The following BTD variants were observed in gnomAD, a reference collection of about 807,000 sequenced individuals.
BTD encodes biocytinase.
BTD carries 13 observed loss-of-function variants against 17.7 expected under a neutral mutation model. That is an observed-to-expected ratio of 0.74 (90% confidence interval 0.48 to 1.17). BTD has a LOEUF of 1.17. BTD is among the 50% of genes most tolerant of loss of function. BTD has a pLI of 0.00. For synonymous variants in BTD, 240 were observed against 245.2 expected, an observed-to-expected ratio of 0.98 and a Z score of 0.20; for missense variants, 674 against 650.4, an observed-to-expected ratio of 1.04 and a Z score of -0.39.
Position 15,635,783 on chromosome 3 carries a change from A to G in BTD, c.249+95A>G. 6.4e-7 allele frequency: 1 copy of G among 1,571,674 alleles called. No homozygotes were observed. Among genetic ancestry groups the G allele is most frequent in the Non-Finnish European group, 8.7e-7 (1 of 1,148,000 alleles). On this transcript the variant is annotated intron_variant, in intron 2 of 3. Coordinates refer to ENST00000643237, the MANE Select transcript of BTD (RefSeq NM_001370658.1). The surrounding 1 kb of genome is among the most constrained non-coding windows in gnomAD (Gnocchi z 4.1). The stretch of plus-strand genomic sequence containing the variant: ...GTTGGGTAATCCCAGGCTTCCTACC[A>G]CCCTCTGAAAAAGCATCCAGGTAGT...
At chr3:15,682,955 T>A (rs1350197530) in intron 3 of BTD, among the ~76,000 whole-genome samples, 1 of 152,216 alleles carries the variant, frequency 6.6e-6, no homozygotes, top group East Asian at 1.9e-4. Context: ...CAACCAGGCA[T>A]GCAGTTCTTG....
At chr3:15,604,298 G>T (rs1380942464) in intron 1 of BTD, among the ~76,000 whole-genome samples, 1 of 152,240 alleles carries the variant, frequency 6.6e-6, no homozygotes, top group Non-Finnish European at 1.5e-5. Context: ...TCAACACCAT[G>T]TGGAAGCTGC....
intron 3 of BTD, among the ~76,000 whole-genome samples, chr3:15,702,298 A>G (rs1194083865): frequency 6.6e-6 from 1 of 152,210 alleles, no homozygotes; most frequent in African/African-American, 2.4e-5. Context: ...GGTGCTTATA[A>G]AATACTGAAT....
intron 3 of BTD, among the ~76,000 whole-genome samples, chr3:15,661,811 T>C (rs1195098077): frequency 6.6e-6 from 1 of 152,254 alleles, no homozygotes; most frequent in Non-Finnish European, 1.5e-5. Context: ...GGGAAGGATG[T>C]AAGATCTGTG....
At chr3:15,668,041 GGACA>G (rs956358597) in intron 3 of BTD, 1 of 152,224 alleles carries the variant, frequency 6.6e-6, no homozygotes, top group African/African-American at 2.4e-5. Flanking sequence ...TTCTCTTGGA[GGACA>G]GACCCAGGCC....
At chr3:15,612,452 A>G (rs2064664668) in intron 1 of BTD, among the ~76,000 whole-genome samples, 1 of 152,100 alleles carries the variant, frequency 6.6e-6, no homozygotes, top group African/African-American at 2.4e-5. Context: ...CATTGATGTT[A>G]TTGTAGTAAA....
downstream of BTD, among the ~76,000 whole-genome samples, chr3:15,656,026 C>T (rs1390812199): frequency 6.6e-6 from 1 of 152,164 alleles, no homozygotes; most frequent in African/African-American, 2.4e-5. Flanking sequence ...TGGTCTCAAA[C>T]TCCTGACCTC....
intron 3 of BTD, among the ~76,000 whole-genome samples, chr3:15,698,935 C>G (rs577644431): frequency 7.7e-4 from 117 of 152,298 alleles, no homozygotes; most frequent in Middle Eastern, 3.4e-3. Context: ...ATTGCCAAGA[C>G]AATCCTAAGC....
chr3:15,625,252 A>G (rs2065038134), intron 1 of BTD, among the ~76,000 whole-genome samples: 1 of 151,682 alleles, frequency 6.6e-6, no homozygotes, highest in South Asian at 2.1e-4. Flanking sequence ...TCAGCCCCCA[A>G]CCCCACTCAG....
At chr3:15,643,924 A>G (rs1292652900) in intron 3 of BTD, among the ~76,000 whole-genome samples, 3 of 150,044 alleles carry the variant, frequency 2.0e-5, no homozygotes, top group South Asian at 2.1e-4. Context: ...AAGAAAAAAA[A>G]AAGAAGAGGA....
At position 15,635,754 on chromosome 3, in the gene BTD, A is replaced by T. The variant is rs1430668851; in HGVS notation, c.249+66A>T. 3 of 1,608,798 alleles carry T rather than the reference A, an allele frequency of 1.9e-6. No homozygotes were observed. In the Admixed American group the frequency reaches 5.0e-5, roughly 27 times the overall value. ...GCAGATTGCTCTTTACCCCTTGATC[A>T]GTGGTTGGGTAATCCCAGGCTTCCT... is the stretch of plus-strand genomic sequence containing the variant. On this transcript the variant is annotated intron_variant, in intron 2 of 3. Transcript: ENST00000643237. This position sits in a 1 kb window ranked among gnomAD's most constrained non-coding sequence, Gnocchi z 4.1.
chr3:15,722,378 T>C (rs1354059531), downstream of BTD, among the ~76,000 whole-genome samples: 4 of 152,234 alleles, frequency 2.6e-5, no homozygotes, highest in Non-Finnish European at 4.4e-5. Flanking sequence ...AGAACAGTAA[T>C]GTGTCCTGAC....
rs753086171 is a variant in BTD at position 15,648,915 on chromosome 3, A to G, written c.*3427A>G. 2.0e-5 allele frequency among the ~76,000 whole-genome samples: 3 copies of G among 152,246 alleles called. No homozygotes were observed. The East Asian group carries it at 5.8e-4, about 29-fold the overall frequency. On this transcript the variant is annotated 3_prime_UTR_variant, in exon 4 of 4. Coordinates refer to ENST00000643237, the MANE Select transcript of BTD (RefSeq NM_001370658.1). ...ATGCCTCTACTAGACAAGGCACACC[A>G]GAAATTGCTTGCCAACAAACACCAG...
At chr3:15,708,010 A>G in intron 3 of BTD, 1 of 1,611,208 alleles carries the variant, frequency 6.2e-7, no homozygotes, top group Non-Finnish European at 8.5e-7. Flanking sequence ...CTGATCCCAC[A>G]AGAGCAAACA....
At chr3:15,693,453 G>A (rs893436299) in intron 3 of BTD, among the ~76,000 whole-genome samples, 2 of 152,116 alleles carry the variant, frequency 1.3e-5, no homozygotes, top group South Asian at 4.2e-4. Flanking sequence ...GAATTTCTAA[G>A]GAAACAACAT....
At chr3:15,700,370 G>A (rs898428658) in intron 3 of BTD, among the ~76,000 whole-genome samples, 1 of 151,842 alleles carries the variant, frequency 6.6e-6, no homozygotes, top group African/African-American at 2.4e-5. Context: ...TGAGTTGATG[G>A]GTGCAGCAAA....
chr3:15,650,901 C>G lies in BTD; in HGVS notation c.*5413C>G, dbSNP rs778407181. 6.6e-6 allele frequency among the ~76,000 whole-genome samples: 1 copy of G among 152,212 alleles called. No homozygotes were observed. Among genetic ancestry groups the G allele is most frequent in the Non-Finnish European group, 1.5e-5 (1 of 68,044 alleles). ...TCTCCTGCCTCAGCCTTCCGAGTAG[C>G]TGGGACTACAGGCACGTGCCACCAC... is the stretch of plus-strand genomic sequence containing the variant. On this transcript the variant is annotated 3_prime_UTR_variant, in exon 4 of 4. Transcript: ENST00000643237.
intron 3 of BTD, among the ~76,000 whole-genome samples, chr3:15,671,322 C>T (rs578156236): frequency 1.4e-4 from 22 of 152,188 alleles, no homozygotes; most frequent in Admixed American, 7.9e-4. Context: ...GTCTTGAGGA[C>T]GGAGCGGGAG....
At chr3:15,707,999 C>T in intron 3 of BTD, 1 of 1,611,674 alleles carries the variant, frequency 6.2e-7, no homozygotes, top group Non-Finnish European at 8.5e-7. Flanking sequence ...CACACTTGCT[C>T]CTGATCCCAC....
Sources: allele counts gnomAD v4.1 joint callset (sites outside exome capture counted in the v4.1 genomes callset), GRCh38; gene constraint gnomAD v4.1.1; non-coding constraint Gnocchi (gnomAD v3.1); transcripts MANE v1.5; gene names NCBI Gene and HGNC (gene_info 2026-07-23, HGNC 2026-07-21).